Variants in GLB1 observed in about 807,000 individuals in gnomAD.
GLB1 encodes galactosidase beta 1.
In GLB1, 56 loss-of-function variants were observed where a neutral mutation model predicts 74.0. The observed-to-expected ratio is 0.76, with a 90% CI of 0.61 to 0.94. The LOEUF is 0.94. Among genes scored for constraint, GLB1 ranks in the 40% least tolerant of loss-of-function variants. The pLI is 0.00. For missense variants in GLB1, 787 were observed against 845.5 expected, an observed-to-expected ratio of 0.93 and a Z score of 0.86; for synonymous variants, 323 against 323.6, an observed-to-expected ratio of 1.00 and a Z score of 0.02.
chr3:33,017,409 A>T (rs1006842359), intron 13 of GLB1, among the ~76,000 whole-genome samples: 1 of 152,238 alleles, frequency 6.6e-6, no homozygotes, highest in Admixed American at 6.5e-5. Context: ...TGACCTTACA[A>T]TGATCATAAT....
chr3:33,076,262 G>A (rs572510035), intron 1 of GLB1, among the ~76,000 whole-genome samples: 1 of 152,160 alleles, frequency 6.6e-6, no homozygotes, highest in Non-Finnish European at 1.5e-5. Flanking sequence ...TGTGAGGCCT[G>A]GGGGAGGGAG....
the GLB1 span, among the ~76,000 whole-genome samples, chr3:32,978,260 T>C: frequency 3.6e-4 from 55 of 152,300 alleles, no homozygotes; most frequent in Non-Finnish European, 6.2e-4. Context: ...ATAAACAAAC[T>C]GATTGTGAGA....
intron 15 of GLB1, among the ~76,000 whole-genome samples, chr3:33,009,566 G>A (rs1463203129): frequency 6.6e-6 from 1 of 152,166 alleles, no homozygotes; most frequent in African/African-American, 2.4e-5. Flanking sequence ...GTAGGCATGA[G>A]AGTTTGGTGC....
chr3:33,076,596 G>A (rs866769985), intron 1 of GLB1, among the ~76,000 whole-genome samples: 35 of 152,312 alleles, frequency 2.3e-4, no homozygotes, highest in Admixed American at 5.2e-4. Context: ...TGAGGCACAG[G>A]CGCGAACCTG....
chr3:33,036,071 C>A (rs1399541014), intron 10 of GLB1, among the ~76,000 whole-genome samples: 1 of 152,170 alleles, frequency 6.6e-6, no homozygotes, highest in Admixed American at 6.5e-5. Flanking sequence ...CATGAAAGAT[C>A]CAAATCAGAT....
downstream of GLB1, among the ~76,000 whole-genome samples, chr3:32,995,107 T>C (rs1450389355): frequency 1.3e-5 from 2 of 152,082 alleles, no homozygotes; most frequent in East Asian, 3.9e-4. Context: ...TTAAATATTT[T>C]CAATTGTAAA....
chr3:33,068,087 AT>A, intron 4 of GLB1, 142 bp downstream of exon 4: 1 of 1,210,962 alleles, frequency 8.3e-7, no homozygotes, highest in African/African-American at 1.5e-5. Flanking sequence ...AGGTTTTGCC[AT>A]TTTGGCCAGC....
At chr3:33,057,881 GA>G (rs1240221379) in intron 6 of GLB1, among the ~76,000 whole-genome samples, 1 of 152,216 alleles carries the variant, frequency 6.6e-6, no homozygotes, top group African/African-American at 2.4e-5. Context: ...CACCAGTGCT[GA>G]AAATGCAGCT....
At chr3:32,993,982 C>G (rs79493384), downstream of GLB1, among the ~76,000 whole-genome samples, 724 of 152,258 alleles carry the variant, frequency 4.8e-3, 3 homozygotes, top group Non-Finnish European at 8.3e-3. Context: ...TCATTATTCA[C>G]TATCTTCAAA....
downstream of GLB1, chr3:32,996,551 C>G (rs1465035162): frequency 4.5e-6 from 1 of 221,100 alleles, no homozygotes; most frequent in African/African-American, 2.3e-5. Context: ...GTTATCTAGT[C>G]CAAAAGCAAG....
the GLB1 span, among the ~76,000 whole-genome samples, chr3:32,978,926 ATT>A: frequency 0.037 from 4,468 of 120,586 alleles, 184 homozygotes; most frequent in East Asian, 0.18. Context: ...CACCCGGCTA[ATT>A]TTTTTTTTTT....
At chr3:33,015,193 G>A (rs1162246631) in intron 14 of GLB1, among the ~76,000 whole-genome samples, 1 of 152,112 alleles carries the variant, frequency 6.6e-6, no homozygotes, top group Non-Finnish European at 1.5e-5. Flanking sequence ...GTGAGTGTGG[G>A]ATACAAAGGA....
In GLB1 at chr3:33,000,730, AAAC is replaced by A. The variant is rs201393394; in HGVS notation, c.1735-3389_1735-3387del. Among the ~76,000 whole-genome samples, 533 of 152,312 alleles carry A rather than the reference AAAC, an allele frequency of 3.5e-3. 14 individuals carry two copies. In the East Asian group the frequency reaches 0.083, roughly 24 times the overall value. ...TGATAGAGCAAGACTCAGTTAAAAA[AAAC>A]AACAACAAAACAAACAGAAAAAACC... On this transcript the variant is annotated intron_variant, in intron 15 of 15. Transcript: ENST00000307363.
intron 10 of GLB1, among the ~76,000 whole-genome samples, chr3:33,031,663 A>G (rs1346293873): frequency 7.6e-6 from 1 of 131,014 alleles, no homozygotes; most frequent in East Asian, 2.1e-4. Context: ...ATATATATAT[A>G]TATATATATA....
chr3:32,966,779 C>T, the GLB1 span, among the ~76,000 whole-genome samples: 1 of 152,102 alleles, frequency 6.6e-6, no homozygotes, highest in Non-Finnish European at 1.5e-5. Context: ...TGGGTTTTCC[C>T]ATGTTGTTCT....
intron 15 of GLB1, among the ~76,000 whole-genome samples, chr3:33,013,598 AG>A (rs1168510268): frequency 2.0e-5 from 3 of 152,148 alleles, no homozygotes; most frequent in Non-Finnish European, 4.4e-5. Context: ...AAAATGGATG[AG>A]GAAGAGTGGA....
chr3:33,039,289 CAAAAAAAAAA>C (rs35066652), intron 10 of GLB1, among the ~76,000 whole-genome samples: 1 of 93,210 alleles, frequency 1.1e-5, no homozygotes, highest in Admixed American at 1.3e-4. Flanking sequence ...GACTCTGTCT[CAAAAAAAAAA>C]AAAAAAAAAG....
chr3:32,968,920 A>C, the GLB1 span, among the ~76,000 whole-genome samples: 1 of 152,240 alleles, frequency 6.6e-6, no homozygotes, highest in Non-Finnish European at 1.5e-5. Context: ...CTTGTTTTAA[A>C]GCACTAGCTG....
chr3:33,050,827 G>A (rs1170009070), intron 9 of GLB1, among the ~76,000 whole-genome samples: 1 of 152,220 alleles, frequency 6.6e-6, no homozygotes, highest in Non-Finnish European at 1.5e-5. Context: ...AGAGACCACA[G>A]TAGAATATTT....
Sources: allele counts gnomAD v4.1 joint callset (sites outside exome capture counted in the v4.1 genomes callset), GRCh38; gene constraint gnomAD v4.1.1; transcripts MANE v1.5; gene names NCBI Gene and HGNC (gene_info 2026-07-23, HGNC 2026-07-21).